Variants in NADK observed in about 807,000 individuals in gnomAD.
NADK encodes poly(P)/ATP NAD kinase.
Under a neutral mutation model 49.8 loss-of-function variants are expected in NADK, and 22 were observed. That is an observed-to-expected ratio of 0.44 (90% confidence interval 0.32 to 0.63). The LOEUF is 0.63. Among genes scored for constraint, NADK ranks in the 30% least tolerant of loss-of-function variants. The pLI is 0.06. For missense variants in NADK, 438 were observed against 609.4 expected (o/e 0.72, Z 2.96); for synonymous variants, 268 against 253.7 (o/e 1.06, Z -0.54).
At position 1,753,045 on chromosome 1, in the gene NADK, G is replaced by T; in HGVS notation, c.1200C>A (p.Thr400=). ...AGATGGAGGGGAGCGGGTAGCATGA[G>T]GTAGTGATGCTGATGCTGGGACGGG... The part of the protein sequence containing the change: ...IRHGDSISIT[T]SCYPLPSICV... The change falls in exon 12 of 12, where the codon ACC becomes ACA. Residue 400 remains threonine (T), a synonymous_variant. Transcript: ENST00000341426. 1 of 1,610,762 alleles carries T rather than the reference G, an allele frequency of 6.2e-7. No homozygotes were observed. Among genetic ancestry groups the T allele is most frequent in the South Asian group, 1.1e-5 (1 of 90,510 alleles).
chr1:1,764,007 A>G (rs1645809581), intron 2 of NADK, among the ~76,000 whole-genome samples: 1 of 152,204 alleles, frequency 6.6e-6, no homozygotes, highest in East Asian at 1.9e-4. Context: ...CGAGGCAACG[A>G]GGCATCTGAG....
Position 1,765,433 on chromosome 1 carries a change from A to G in NADK, c.-27T>C. On this transcript the variant is annotated 5_prime_UTR_variant, in exon 2 of 12. Coordinates refer to ENST00000341426, the MANE Select transcript of NADK (RefSeq NM_023018.5). ...GTCAGGAAATGAGAACTTCGGTCAG[A>G]AAAACACTGATGCCTTAATTTAATA... The G allele has an allele frequency of 6.7e-7, 1 of 1,492,036 alleles. No individual in the cohort carries two copies. The highest frequency in any genetic ancestry group is 1.4e-5 in the African/African-American group (1 of 71,748). The allele number at this position is 1,492,036 out of a possible 1,614,324, so 92.4% of individuals were successfully genotyped here.
Position 1,755,403 on chromosome 1 carries a change from A to G in NADK, c.659T>C (p.Phe220Ser), listed in dbSNP as rs767918363. The G allele has an allele frequency of 7.4e-6, 12 of 1,614,032 alleles. No homozygotes were observed. Among genetic ancestry groups the G allele is most frequent in the Non-Finnish European group, 1.0e-5 (12 of 1,179,958 alleles). The change falls in exon 7 of 12, where the codon TTT becomes TCT. Residue 220 changes from phenylalanine to serine, a missense_variant. Coordinates refer to ENST00000341426, the MANE Select transcript of NADK (RefSeq NM_023018.5). ...TATCACCTGAGTAACTTGGGACTGA[A>G]AGTTCTCAAAGCTGAATGGGGTCAG... ...GFLTPFSFEN[F>S]QSQVTQVIEG...
At chr1:1,755,107 C>G (rs1011271446) in intron 7 of NADK, among the ~76,000 whole-genome samples, 7 of 152,218 alleles carry the variant, frequency 4.6e-5, no homozygotes, top group Non-Finnish European at 1.0e-4. Context: ...GCGTGAGCCA[C>G]CGCGCCCGGC....
intron 1 of NADK, among the ~76,000 whole-genome samples, chr1:1,775,876 G>C (rs1055734684): frequency 2.6e-5 from 4 of 152,232 alleles, no homozygotes; most frequent in East Asian, 1.9e-4. Context: ...CCAGCACAGA[G>C]AGTAGAAATG....
chr1:1,775,100 C>A (rs1646174085), intron 1 of NADK, among the ~76,000 whole-genome samples: 1 of 151,104 alleles, frequency 6.6e-6, no homozygotes, highest in African/African-American at 2.4e-5. Flanking sequence ...CAGAGTGAGA[C>A]TCCGCCTCAA....
intron 1 of NADK, among the ~76,000 whole-genome samples, chr1:1,766,065 C>T (rs191097431): frequency 1.1e-3 from 161 of 151,744 alleles, no homozygotes; most frequent in Admixed American, 4.1e-3. Context: ...GCCAGGGGTT[C>T]AAGACCACTC....
Position 1,763,992 on chromosome 1 carries a change from GACA to G in NADK, c.179+1233_179+1235del, listed in dbSNP as rs1298886834. On this transcript the variant is annotated intron_variant, in intron 2 of 11. Transcript: ENST00000341426. ...GAGGTACAGGACAACGACCCCCACT[GACA>G]ACGAGGCAACGAGGCATCTGAGAAA... Among the ~76,000 whole-genome samples the G allele has an allele frequency of 2.0e-5, 3 of 152,230 alleles. No homozygotes were observed. The East Asian group carries it at 5.8e-4, about 29-fold the overall frequency.
At chr1:1,756,688 G>A (rs1444301841) in intron 4 of NADK, 80 bp from the exon 5 acceptor site, 1 of 1,602,800 alleles carries the variant, frequency 6.2e-7, no homozygotes, top group Non-Finnish European at 8.5e-7. Context: ...CACGGGCGCT[G>A]TGGTCAGAGA....
chr1:1,752,523 T>A lies in NADK; in HGVS notation c.*381A>T, dbSNP rs1263739037. 1 of 169,912 alleles carries A rather than the reference T, an allele frequency of 5.9e-6. No homozygotes were observed. Among genetic ancestry groups the A allele is most frequent in the Admixed American group, 6.3e-5 (1 of 15,910 alleles). 10.5% of individuals were successfully genotyped at this position (169,912 alleles called of 1,614,324 possible). A position where few individuals can be genotyped will look rare whatever the true frequency, so the allele number is the denominator to read the frequency against. Reference sequence around the variant, plus strand: ...TGGCAGCTCAAGGAAGGTTTTTGGCTGAGACATTTATTATCAACATTGAAG... The same window carrying A: ...TGGCAGCTCAAGGAAGGTTTTTGGCAGAGACATTTATTATCAACATTGAAG... On this transcript the variant is annotated 3_prime_UTR_variant, in exon 12 of 12. Coordinates refer to ENST00000341426, the MANE Select transcript of NADK (RefSeq NM_023018.5).
At chr1:1,755,844 C>T (rs940405882) in intron 6 of NADK, among the ~76,000 whole-genome samples, 5 of 152,170 alleles carry the variant, frequency 3.3e-5, no homozygotes, top group Admixed American at 2.0e-4. Context: ...CGGGCATTTC[C>T]GGTGTCACCA....
At chr1:1,778,967 C>G (rs1378926934), upstream of NADK, among the ~76,000 whole-genome samples, 1 of 152,234 alleles carries the variant, frequency 6.6e-6, no homozygotes, top group Non-Finnish European at 1.5e-5. The surrounding 1 kb of genome is among the most constrained non-coding windows in gnomAD (Gnocchi z 4.9). Context: ...CGGTGTGGGC[C>G]GAGCCGGATT....
At chr1:1,759,671 GGCGT>G (rs546675204) in intron 3 of NADK, 2 of 1,504,208 alleles carry the variant, frequency 1.3e-6, no homozygotes, top group Non-Finnish European at 1.8e-6. Context: ...GCCCAGAGGG[GGCGT>G]GCTCCCATGG....
chr1:1,778,551 G>A (rs1286190976), upstream of NADK: 1 of 151,148 alleles, frequency 6.6e-6, no homozygotes, highest in Non-Finnish European at 1.5e-5. This position sits in a 1 kb window ranked among gnomAD's most constrained non-coding sequence, Gnocchi z 4.9. Context: ...CCGGCGCCGG[G>A]ACACCCCGCG....
intron 1 of NADK, among the ~76,000 whole-genome samples, chr1:1,767,064 G>A (rs983993528): frequency 3.9e-5 from 6 of 152,084 alleles, no homozygotes; most frequent in African/African-American, 1.4e-4. Context: ...ACAGGCGTGC[G>A]CCACCACGCT....
chr1:1,765,985 TG>T (rs1056113559), intron 1 of NADK, among the ~76,000 whole-genome samples: 1 of 151,866 alleles, frequency 6.6e-6, no homozygotes. Context: ...TCACACTGTG[TG>T]GCCAGGTGTG....
intron 1 of NADK, among the ~76,000 whole-genome samples, chr1:1,773,282 G>T (rs939198578): frequency 2.0e-5 from 3 of 151,062 alleles, no homozygotes; most frequent in East Asian, 4.1e-4. Flanking sequence ...TGGGATTACA[G>T]GTGCCCGCCG....
chr1:1,771,210 C>T (rs980750953), intron 1 of NADK, among the ~76,000 whole-genome samples: 3 of 151,374 alleles, frequency 2.0e-5, no homozygotes, highest in African/African-American at 7.3e-5. Flanking sequence ...GAACTGCACA[C>T]TGAAAACTAC....
At position 1,770,813 on chromosome 1, in the gene NADK, G is replaced by A. The variant is rs550241398; in HGVS notation, c.-40-5367C>T. On this transcript the variant is annotated intron_variant, in intron 1 of 11. Coordinates refer to ENST00000341426, the MANE Select transcript of NADK (RefSeq NM_023018.5). Reference sequence around the variant, plus strand: ...CCTGTAATCCCAACACTGGGAGGCCGAGGTGGGTGGGGATCACCTGAGGTC... The same window carrying A: ...CCTGTAATCCCAACACTGGGAGGCCAAGGTGGGTGGGGATCACCTGAGGTC... Among the ~76,000 whole-genome samples the A allele has an allele frequency of 5.3e-5, 8 of 152,070 alleles. No individual in the cohort carries two copies. In the East Asian group the frequency reaches 5.8e-4, roughly 11 times the overall value.
Sources: gnomAD v4.1 joint callset for allele counts (sites outside exome capture counted in the v4.1 genomes callset) on GRCh38, gnomAD v4.1.1 for gene constraint, Gnocchi (gnomAD v3.1) non-coding constraint, MANE v1.5 for transcripts, NCBI Gene and HGNC (gene_info 2026-07-23, HGNC 2026-07-21) for gene names.